The following UBE3D variants were observed in gnomAD, a reference collection of about 807,000 sequenced individuals.
The protein encoded by UBE3D is ubiquitin protein ligase E3D, also known as E3 ubiquitin-protein ligase E3D.
A neutral mutation model predicts 49.6 loss-of-function variants in UBE3D; 48 were observed. The observed-to-expected ratio is 0.97, with a 90% CI of 0.77 to 1.23. The LOEUF is 1.23. Ranked by LOEUF, UBE3D falls within the 50% of genes most tolerant of loss-of-function variation. The pLI is 0.00. For synonymous variants in UBE3D, 189 were observed against 174.2 expected, an observed-to-expected ratio of 1.08 and a Z score of -0.67; for missense variants, 452 against 468.4, an observed-to-expected ratio of 0.96 and a Z score of 0.32.
chr6:83,065,750 T>TG lies in UBE3D; in HGVS notation c.-33dup. 1 of 1,593,806 alleles carries TG rather than the reference T, an allele frequency of 6.3e-7. No homozygotes were observed. The highest frequency in any genetic ancestry group is 1.1e-5 in the South Asian group (1 of 88,370). On this transcript the variant is annotated 5_prime_UTR_variant, in exon 1 of 10. Coordinates refer to ENST00000369747, the MANE Select transcript of UBE3D (RefSeq NM_198920.3). Reference sequence around the variant, plus strand: ...CTTCCAGTCCCAGACCGGACCAAGCTGGAGGTTCCGAGGGGCCCGGGTCAA... The same window carrying TG: ...CTTCCAGTCCCAGACCGGACCAAGCTGGGAGGTTCCGAGGGGCCCGGGTCAA...
chr6:83,058,967 A>G (rs1199513704), intron 1 of UBE3D, among the ~76,000 whole-genome samples: 2 of 152,238 alleles, frequency 1.3e-5, no homozygotes, highest in Non-Finnish European at 2.9e-5. Flanking sequence ...CTAAAACAAG[A>G]GTCAGCAACT....
intron 5 of UBE3D, among the ~76,000 whole-genome samples, chr6:83,027,574 G>C (rs1449230956): frequency 6.6e-6 from 1 of 151,540 alleles, no homozygotes; most frequent in Non-Finnish European, 1.5e-5. Context: ...TAAGTCCTAG[G>C]ATCAACAGTT....
intron 9 of UBE3D, among the ~76,000 whole-genome samples, chr6:82,933,888 C>G (rs1774353152): frequency 6.6e-6 from 1 of 152,144 alleles, no homozygotes; most frequent in African/African-American, 2.4e-5. Context: ...GAGCTAAAGC[C>G]ACGTGAGTGC....
chr6:82,980,950 A>G (rs1445781986), intron 8 of UBE3D, among the ~76,000 whole-genome samples: 2 of 152,002 alleles, frequency 1.3e-5, no homozygotes, highest in East Asian at 3.9e-4. Context: ...ATGTTCCCAC[A>G]GTGATTTCAT....
chr6:82,961,382 T>C (rs1776536388), intron 8 of UBE3D, among the ~76,000 whole-genome samples: 1 of 152,188 alleles, frequency 6.6e-6, no homozygotes, highest in South Asian at 2.1e-4. Flanking sequence ...TCAGGCACTT[T>C]AGTTATATTT....
intron 8 of UBE3D, among the ~76,000 whole-genome samples, chr6:82,975,353 G>A (rs1437707073): frequency 6.6e-6 from 1 of 152,090 alleles, no homozygotes; most frequent in South Asian, 2.1e-4. Flanking sequence ...AGAACGGCAC[G>A]TATAACTTCA....
intron 8 of UBE3D, chr6:83,017,132 C>G (rs1780751742): frequency 6.6e-6 from 1 of 152,102 alleles, no homozygotes; most frequent in Non-Finnish European, 1.5e-5. Flanking sequence ...TAAAAACTAG[C>G]ATTAAATTGA....
chr6:83,001,428 A>G (rs1779628551), intron 8 of UBE3D, among the ~76,000 whole-genome samples: 1 of 152,238 alleles, frequency 6.6e-6, no homozygotes, highest in South Asian at 2.1e-4. Flanking sequence ...TTAGTTGTCC[A>G]GATTCTATGG....
intron 8 of UBE3D, among the ~76,000 whole-genome samples, chr6:82,992,711 T>C (rs918891396): frequency 2.5e-4 from 38 of 152,178 alleles, no homozygotes; most frequent in African/African-American, 8.9e-4. Context: ...GATCCAGTAG[T>C]TGTAATTCCT....
At chr6:83,065,493 G>T in intron 1 of UBE3D, 149 bp downstream of exon 1, 1 of 712,420 alleles carries the variant, frequency 1.4e-6, no homozygotes, top group Non-Finnish European at 2.3e-6. Context: ...CGACTACAGG[G>T]GAAAGCTTCA....
intron 8 of UBE3D, among the ~76,000 whole-genome samples, chr6:82,965,350 G>A (rs1251977751): frequency 2.0e-5 from 3 of 152,030 alleles, no homozygotes; most frequent in Non-Finnish European, 4.4e-5. Flanking sequence ...TTGGGAGGCC[G>A]AGGCCAGTGG....
At chr6:82,953,692 T>C (rs550062004) in intron 9 of UBE3D, among the ~76,000 whole-genome samples, 7 of 152,220 alleles carry the variant, frequency 4.6e-5, no homozygotes, top group South Asian at 2.1e-4. Flanking sequence ...CTAAGTTCTG[T>C]TGGCACAATA....
chr6:83,034,741 C>T (rs1231961885), intron 5 of UBE3D, among the ~76,000 whole-genome samples: 1 of 152,108 alleles, frequency 6.6e-6, no homozygotes, highest in African/African-American at 2.4e-5. Context: ...TGAGGCCTTC[C>T]CAGCCATATA....
intron 8 of UBE3D, among the ~76,000 whole-genome samples, chr6:82,960,627 T>A (rs1224590976): frequency 6.6e-6 from 1 of 151,648 alleles, no homozygotes; most frequent in Non-Finnish European, 1.5e-5. Flanking sequence ...CAAGTTCTTA[T>A]AAAGGAAACA....
intron 8 of UBE3D, among the ~76,000 whole-genome samples, chr6:83,011,784 A>T (rs1780352219): frequency 6.6e-6 from 1 of 152,120 alleles, no homozygotes; most frequent in African/African-American, 2.4e-5. Context: ...TCCAGTGGAA[A>T]GCAATGTTGT....
Position 83,000,549 on chromosome 6 carries a change from T to C in UBE3D, c.1010+18424A>G, listed in dbSNP as rs1779549492. Reference sequence around the variant, plus strand: ...TACCCAAATCCAACTATTCTCTAGATGGTTGCCAGAACAATCTTCCTGAAG... The same window carrying C: ...TACCCAAATCCAACTATTCTCTAGACGGTTGCCAGAACAATCTTCCTGAAG... On this transcript the variant is annotated intron_variant, in intron 8 of 9. Transcript: ENST00000369747. Among the ~76,000 whole-genome samples, 7 of 152,356 alleles carry C rather than the reference T, an allele frequency of 4.6e-5. No homozygotes were observed. In the South Asian group the frequency reaches 1.4e-3, roughly 32 times the overall value.
At chr6:83,024,070 C>T in intron 5 of UBE3D, 32 bp from the exon 6 acceptor site, 2 of 1,198,912 alleles carry the variant, frequency 1.7e-6, no homozygotes, top group Non-Finnish European at 2.3e-6. Flanking sequence ...AAGACTCTCC[C>T]CAATACACTA....
At chr6:82,891,545 T>G (rs115065209), downstream of UBE3D, among the ~76,000 whole-genome samples, 2 of 152,334 alleles carry the variant, frequency 1.3e-5, no homozygotes, top group African/African-American at 2.4e-5. Context: ...CGTTTCAAAC[T>G]GTGCTTCATA....
chr6:82,923,877 G>A (rs1470950989), intron 9 of UBE3D, among the ~76,000 whole-genome samples: 2 of 151,980 alleles, frequency 1.3e-5, no homozygotes, highest in South Asian at 2.1e-4. Context: ...ATTATTACAG[G>A]TAATTCACCA....
Sources: gnomAD v4.1 joint callset for allele counts (sites outside exome capture counted in the v4.1 genomes callset) on GRCh38, gnomAD v4.1.1 for gene constraint, MANE v1.5 for transcripts, NCBI Gene and HGNC (gene_info 2026-07-23, HGNC 2026-07-21) for gene names.